The following DCAF6 variants were observed in gnomAD, a reference collection of about 807,000 sequenced individuals.
DCAF6 encodes DDB1 and CUL4 associated factor 6.
In DCAF6, 54 loss-of-function variants were observed where a neutral mutation model predicts 125.1. The observed-to-expected ratio is 0.43, with a 90% confidence interval of 0.35 to 0.54. DCAF6 has a LOEUF of 0.54. Ranked by LOEUF, DCAF6 falls within the 20% of genes least tolerant of loss-of-function variation. DCAF6 has a pLI of 0.01. For missense variants in DCAF6, 934 were observed against 1,161.7 expected (o/e 0.80, Z 2.85); for synonymous variants, 371 against 390.4 (o/e 0.95, Z 0.58).
chr1:167,932,808 C>CAAAAA (rs965449372), upstream of DCAF6, among the ~76,000 whole-genome samples: 82 of 52,446 alleles, frequency 1.6e-3, no homozygotes, highest in East Asian at 3.2e-3. Context: ...GACTCTGTCT[C>CAAAAA]AAAAAAAAAA....
intron 10 of DCAF6, among the ~76,000 whole-genome samples, chr1:168,011,871 G>A (rs1389931927): frequency 6.6e-6 from 1 of 152,160 alleles, no homozygotes; most frequent in Non-Finnish European, 1.5e-5. Context: ...TACTTGGGAG[G>A]CTGAGGCAGG....
the DCAF6 span, among the ~76,000 whole-genome samples, chr1:167,889,384 T>G: frequency 6.7e-5 from 10 of 149,488 alleles, no homozygotes; most frequent in South Asian, 2.1e-3. Flanking sequence ...AGTGTTTGAT[T>G]TGCATATGTC....
At chr1:168,033,636 T>C (rs2103331904) in intron 12 of DCAF6, among the ~76,000 whole-genome samples, 1 of 152,262 alleles carries the variant, frequency 6.6e-6, no homozygotes, top group South Asian at 2.1e-4. Context: ...TCTTTTAAGT[T>C]GGTTTCCTGA....
intron 1 of DCAF6, among the ~76,000 whole-genome samples, chr1:167,951,577 AAAAC>A (rs1207307505): frequency 6.6e-6 from 1 of 152,184 alleles, no homozygotes; most frequent in Admixed American, 6.5e-5. Context: ...TGTGTCTCAA[AAAAC>A]AAACAAACAA....
the DCAF6 span, among the ~76,000 whole-genome samples, chr1:167,925,592 G>A: frequency 1.4e-5 from 2 of 146,168 alleles, no homozygotes; most frequent in Non-Finnish European, 3.0e-5. Context: ...TGTTGCCCAG[G>A]CTGGAGTGCA....
chr1:168,004,595 G>A lies in DCAF6; in HGVS notation c.1180G>A (p.Val394Met). The change falls in exon 10 of 22, where the codon GTG becomes ATG. Residue 394 changes from valine (V) to methionine (M), a missense_variant. This residue lies in a region of DCAF6 where 559 missense variants were observed against 635.5 expected (regional missense o/e 0.88). Coordinates refer to ENST00000367840, the MANE Select transcript of DCAF6 (RefSeq NM_001198956.2). ...GGTCCCATCAAGTCCTGATTTGGAAGTGAGTGAAACTGCAATGGAAGTAGA... is the reference window on the plus strand; with the variant it reads ...GGTCCCATCAAGTCCTGATTTGGAAATGAGTGAAACTGCAATGGAAGTAGA... ...PTVPSSPDLE[V>M]SETAMEVDTP... is the part of the protein sequence containing the mutation. 1 of 1,612,126 alleles carries A rather than the reference G, an allele frequency of 6.2e-7. No individual in the cohort carries two copies. The highest frequency in any genetic ancestry group is 8.5e-7 in the Non-Finnish European group (1 of 1,178,936).
At chr1:168,074,542 A>T (rs1158817944) in intron 21 of DCAF6, among the ~76,000 whole-genome samples, 1 of 152,198 alleles carries the variant, frequency 6.6e-6, no homozygotes, top group Non-Finnish European at 1.5e-5. Context: ...GATAAAAAGA[A>T]GTAACTCCTG....
intron 10 of DCAF6, among the ~76,000 whole-genome samples, chr1:168,008,486 C>T (rs1683679381): frequency 6.6e-6 from 1 of 152,068 alleles, no homozygotes; most frequent in Non-Finnish European, 1.5e-5. Flanking sequence ...TTCATCTCAC[C>T]ATCATTTCTT....
At chr1:168,046,568 A>T (rs956371786) in intron 16 of DCAF6, among the ~76,000 whole-genome samples, 12 of 152,140 alleles carry the variant, frequency 7.9e-5, no homozygotes, top group African/African-American at 2.4e-4. Context: ...TTAGAGATTA[A>T]TCAAACATCT....
the DCAF6 span, chr1:167,896,757 T>G: frequency 1.8e-6 from 2 of 1,135,204 alleles, no homozygotes; most frequent in Non-Finnish European, 2.7e-6. Context: ...GAAGTGTAAT[T>G]TCTTAGCAGA....
the DCAF6 span, among the ~76,000 whole-genome samples, chr1:167,890,454 G>A: frequency 1.3e-5 from 2 of 152,016 alleles, no homozygotes; most frequent in African/African-American, 2.4e-5. Flanking sequence ...TGGGGGTGGG[G>A]TCACACAAGC....
At chr1:167,880,069 G>T in the DCAF6 span, 7 of 1,524,738 alleles carry the variant, frequency 4.6e-6, no homozygotes, top group South Asian at 8.2e-5. Context: ...GTGGCAAGGT[G>T]CTGTGTTTGC....
chr1:168,063,287 G>T (rs1691843293), intron 17 of DCAF6, among the ~76,000 whole-genome samples: 1 of 152,040 alleles, frequency 6.6e-6, no homozygotes, highest in South Asian at 2.1e-4. Flanking sequence ...GATAAAATTT[G>T]TTATATTTGT....
intron 7 of DCAF6, among the ~76,000 whole-genome samples, chr1:167,993,755 A>C (rs1044553969): frequency 3.3e-5 from 5 of 151,566 alleles, no homozygotes; most frequent in Non-Finnish European, 5.9e-5. Flanking sequence ...GTCTCAGAAA[A>C]AACAACAACA....
intron 18 of DCAF6, among the ~76,000 whole-genome samples, chr1:168,064,150 TAA>T (rs1692028106): frequency 1.3e-5 from 2 of 148,878 alleles, no homozygotes; most frequent in African/African-American, 5.0e-5. Flanking sequence ...TTTGGATCTA[TAA>T]AATCTAAGTT....
At chr1:168,063,051 A>G (rs992934820) in intron 17 of DCAF6, among the ~76,000 whole-genome samples, 1 of 151,906 alleles carries the variant, frequency 6.6e-6, no homozygotes, top group African/African-American at 2.4e-5. Flanking sequence ...AGCTGGGACT[A>G]TAGGCGCCCG....
At chr1:167,959,239 C>T (rs1029696439) in intron 2 of DCAF6, among the ~76,000 whole-genome samples, 6 of 152,182 alleles carry the variant, frequency 3.9e-5, no homozygotes, top group African/African-American at 1.2e-4. Flanking sequence ...CTGAATAATA[C>T]TTCATTCTGT....
chr1:167,951,688 A>G (rs944965345), intron 1 of DCAF6, 112 bp from the exon 2 acceptor site: 3 of 680,550 alleles, frequency 4.4e-6, no homozygotes, highest in Non-Finnish European at 7.6e-6. Context: ...GGTGGAGCTG[A>G]AATTAGAGCA....
chr1:167,983,326 TTTG>T (rs1679484604), intron 4 of DCAF6, among the ~76,000 whole-genome samples: 1 of 152,202 alleles, frequency 6.6e-6, no homozygotes, highest in Non-Finnish European at 1.5e-5. Context: ...ATTGTTGCTG[TTTG>T]TTGTTGTCAT....
Sources: allele counts gnomAD v4.1 joint callset (sites outside exome capture counted in the v4.1 genomes callset), GRCh38; gene constraint gnomAD v4.1.1; regional missense constraint gnomAD v4.1.1; transcripts MANE v1.5; gene names NCBI Gene and HGNC (gene_info 2026-07-23, HGNC 2026-07-21).